SMIM31: variants seen among roughly 807,000 people sequenced by gnomAD.
The protein encoded by SMIM31 is human epithelial cell program regulator.
intron 2 of SMIM31, among the ~76,000 whole-genome samples, chr4:164,781,097 C>G (rs999146770): frequency 6.6e-6 from 1 of 151,822 alleles, no homozygotes; most frequent in East Asian, 1.9e-4. Flanking sequence ...GTGTGAGCCA[C>G]CATTCCTGGC....
chr4:164,784,318 T>C (rs988550876), intron 2 of SMIM31, among the ~76,000 whole-genome samples: 11 of 152,236 alleles, frequency 7.2e-5, no homozygotes, highest in African/African-American at 2.7e-4. Context: ...GCTCTCTAAC[T>C]GAACCCTGAA....
chr4:164,793,138 C>T (rs1227350827), intron 2 of SMIM31, among the ~76,000 whole-genome samples: 1 of 152,138 alleles, frequency 6.6e-6, no homozygotes, highest in Admixed American at 6.5e-5. Flanking sequence ...TATGTTCTCT[C>T]TTATAAGCTG....
At chr4:164,790,136 A>C (rs1224327343) in intron 2 of SMIM31, among the ~76,000 whole-genome samples, 1 of 152,194 alleles carries the variant, frequency 6.6e-6, no homozygotes, top group East Asian at 1.9e-4. Flanking sequence ...GAATTCTTCT[A>C]GGCACATTTT....
chr4:164,764,442 C>T (rs1233703203), intron 1 of SMIM31, among the ~76,000 whole-genome samples: 1 of 151,984 alleles, frequency 6.6e-6, no homozygotes, highest in Non-Finnish European at 1.5e-5. Flanking sequence ...TGGCGTGTGC[C>T]TGTAGTCCCA....
At position 164,798,236 on chromosome 4, in the gene SMIM31, T is replaced by TA. The variant is rs1553966793; in HGVS notation, c.113-2855_113-2854insA. On this transcript the variant is annotated intron_variant, in intron 2 of 2. Coordinates refer to ENST00000507311, the MANE Select transcript of SMIM31 (RefSeq NM_001352885.1). ...TTTTGATATAATGATTTTTATTTTT[T>TA]TTTTTTATTTTTTTTGAGACGGAGT... Among the ~76,000 whole-genome samples the TA allele has an allele frequency of 1.0e-3, 152 of 151,130 alleles. 1 individual carries two copies. The highest frequency in any genetic ancestry group is 1.8e-3 in the Non-Finnish European group (124 of 67,832).
chr4:164,786,537 C>T (rs1348753905), intron 2 of SMIM31, among the ~76,000 whole-genome samples: 1 of 152,074 alleles, frequency 6.6e-6, no homozygotes. Context: ...CTTTTGAAAA[C>T]ATATTTTAGC....
At chr4:164,785,989 C>T (rs1733021514) in intron 2 of SMIM31, among the ~76,000 whole-genome samples, 1 of 152,000 alleles carries the variant, frequency 6.6e-6, no homozygotes, top group Admixed American at 6.6e-5. Flanking sequence ...CCCTAAAGAC[C>T]ACATAAACTA....
intron 1 of SMIM31, among the ~76,000 whole-genome samples, chr4:164,761,924 A>G (rs1732655799): frequency 7.7e-6 from 1 of 129,342 alleles, no homozygotes; most frequent in Non-Finnish European, 1.7e-5. Flanking sequence ...CTCCACCTCA[A>G]ATAAATAAAT....
intron 2 of SMIM31, among the ~76,000 whole-genome samples, chr4:164,789,639 A>AC (rs1223763281): frequency 1.3e-5 from 2 of 152,206 alleles, no homozygotes; most frequent in African/African-American, 2.4e-5. Context: ...AATGAATTTT[A>AC]CCCCATAGTC....
At chr4:164,800,771 A>G (rs948120815) in intron 2 of SMIM31, among the ~76,000 whole-genome samples, 1 of 152,108 alleles carries the variant, frequency 6.6e-6, no homozygotes, top group African/African-American at 2.4e-5. Context: ...TTTTAACATC[A>G]ATCTTAGTGC....
intron 1 of SMIM31, among the ~76,000 whole-genome samples, chr4:164,763,893 A>T (rs1732684060): frequency 6.6e-6 from 1 of 152,156 alleles, no homozygotes. Context: ...TGGGAGGAAA[A>T]AACCTTGTGG....
At chr4:164,755,508 G>C (rs114604187) in intron 1 of SMIM31, among the ~76,000 whole-genome samples, 9,756 of 108,362 alleles carry the variant, frequency 0.09, 701 homozygotes, top group African/African-American at 0.13. Flanking sequence ...AGGAAAGGAG[G>C]GGGGAGGAGA....
Position 164,762,710 on chromosome 4 carries a change from G to A in SMIM31, c.-25-7709G>A, listed in dbSNP as rs990045214. On this transcript the variant is annotated intron_variant, in intron 1 of 2. Transcript: ENST00000507311. ...AAAAAGAAAAAGAAAAAGAAAGAAA[G>A]TGTTCAGTATCTAATCAGAGCGCAC... is the stretch of plus-strand genomic sequence containing the variant. Among the ~76,000 whole-genome samples the A allele has an allele frequency of 5.4e-5, 8 of 147,332 alleles. No individual in the cohort carries two copies. In the East Asian group the frequency reaches 1.6e-3, roughly 29 times the overall value.
At chr4:164,774,168 G>GAA (rs11322166) in intron 2 of SMIM31, among the ~76,000 whole-genome samples, 57 of 121,240 alleles carry the variant, frequency 4.7e-4, no homozygotes, top group East Asian at 2.3e-3. Context: ...TCTGTCTCAA[G>GAA]AAAAAAAAAA....
At chr4:164,780,389 T>A (rs189112037) in intron 2 of SMIM31, among the ~76,000 whole-genome samples, 1 of 152,306 alleles carries the variant, frequency 6.6e-6, no homozygotes, top group African/African-American at 2.4e-5. Flanking sequence ...ATTGCGCCAC[T>A]GCACTCCAGC....
intron 2 of SMIM31, among the ~76,000 whole-genome samples, chr4:164,789,886 G>T (rs556819987): frequency 1.3e-5 from 2 of 152,120 alleles, no homozygotes; most frequent in Admixed American, 1.3e-4. Context: ...TCCAGGATAC[G>T]TCAAACAAGC....
At chr4:164,768,583 G>A (rs553143899) in intron 1 of SMIM31, among the ~76,000 whole-genome samples, 7 of 152,222 alleles carry the variant, frequency 4.6e-5, no homozygotes, top group Middle Eastern at 3.4e-3. Context: ...TATTCTAGGC[G>A]TAGGACAAAA....
At chr4:164,787,019 T>C (rs1733033723) in intron 2 of SMIM31, among the ~76,000 whole-genome samples, 1 of 152,196 alleles carries the variant, frequency 6.6e-6, no homozygotes, top group African/African-American at 2.4e-5. Flanking sequence ...TAAAGAACAC[T>C]TCGCAGAAAT....
chr4:164,776,199 G>T (rs1187932428), intron 2 of SMIM31, among the ~76,000 whole-genome samples: 5 of 151,934 alleles, frequency 3.3e-5, no homozygotes, highest in Admixed American at 6.5e-5. Context: ...AACCCAAAAT[G>T]AACTCCCTCT....
Sources: allele counts gnomAD v4.1 joint callset (sites outside exome capture counted in the v4.1 genomes callset), GRCh38; gene constraint gnomAD v4.1.1; transcripts MANE v1.5; gene names NCBI Gene and HGNC (gene_info 2026-07-23, HGNC 2026-07-21).